The following VXN variants were observed in gnomAD, a reference collection of about 807,000 sequenced individuals.
VXN encodes vexin, also known as uncharacterized protein C8orf46.
VXN carries 7 observed loss-of-function variants against 23.1 expected under a neutral mutation model. That is an observed-to-expected ratio of 0.30 (90% confidence interval 0.17 to 0.57). The LOEUF (loss-of-function observed/expected upper bound fraction) is 0.57. Ranked by LOEUF, VXN falls within the 20% of genes least tolerant of loss-of-function variation. VXN has a pLI of 0.91. For synonymous variants in VXN, 120 were observed against 105.8 expected (o/e 1.13, Z -0.83); for missense variants, 238 against 272.6 (o/e 0.87, Z 0.89).
At chr8:66,504,902 T>C (rs992801709) in intron 2 of VXN, among the ~76,000 whole-genome samples, 4 of 152,252 alleles carry the variant, frequency 2.6e-5, no homozygotes, top group African/African-American at 9.6e-5. Flanking sequence ...TCTCCCTAGG[T>C]CTTCGCTCTG....
intron 4 of VXN, among the ~76,000 whole-genome samples, chr8:66,512,225 G>A (rs967216564): frequency 1.2e-4 from 18 of 152,280 alleles, no homozygotes; most frequent in Admixed American, 4.6e-4. Flanking sequence ...ATCCAAGTCC[G>A]TGCAAAGTGT....
Position 66,515,896 on chromosome 8 carries a change from C to A in VXN, c.444C>A (p.Ser148=). ...TEKGAVLMRG[S]RHLKKMTEEY... ...CCCACTCCTGGCTTTTCTTTAGATC[C>A]AGACATCTCAAGAAGATGACTGAAG... The change falls in exon 6 of 6, where the codon TCC becomes TCA. Residue 148 remains serine (S), a synonymous_variant. Coordinates refer to ENST00000305454, the MANE Select transcript of VXN (RefSeq NM_152765.4). 6.3e-7 allele frequency: 1 copy of A among 1,591,224 alleles called. No homozygotes were observed. The highest frequency in any genetic ancestry group is 1.4e-5 in the African/African-American group (1 of 73,616).
At chr8:66,502,684 T>C (rs577013392) in intron 2 of VXN, among the ~76,000 whole-genome samples, 1 of 152,052 alleles carries the variant, frequency 6.6e-6, no homozygotes, top group Non-Finnish European at 1.5e-5. Context: ...GAGGCAGAGG[T>C]TGTGGTGAGC....
In VXN at chr8:66,505,513, G is replaced by T. The variant is rs757035240; in HGVS notation, c.265G>T (p.Ala89Ser). ...ARPPTAHPAKASARPVGISEP... is the reference protein window; with the variant it reads ...ARPPTAHPAKSSARPVGISEP... ...GCCGCCCACAGCCCACCCGGCCAAA[G>T]CCTCTGCCAGACCCGGTACGTGAGT... Residue 89 changes from alanine (A) to serine (S), a missense_variant, in exon 3 of 6, where the codon GCC becomes TCC. Ala to Ser is a moderately conservative substitution (Grantham distance 99, BLOSUM62 1). Coordinates refer to ENST00000305454, the MANE Select transcript of VXN (RefSeq NM_152765.4). 35 of 1,532,942 alleles carry T rather than the reference G, an allele frequency of 2.3e-5. No individual in the cohort carries two copies. The highest frequency in any genetic ancestry group is 3.0e-5 in the Non-Finnish European group (34 of 1,143,998). The allele number at this position is 1,532,942 out of a possible 1,614,324, so 95.0% of individuals were successfully genotyped here.
intron 2 of VXN, chr8:66,505,168 T>C (rs1411714332): frequency 5.4e-6 from 4 of 739,032 alleles, no homozygotes; most frequent in Non-Finnish European, 9.5e-6. Context: ...CATGGCACCA[T>C]TTGGCAGTCT....
In VXN at chr8:66,497,076, G is replaced by C. The variant is rs186774068; in HGVS notation, c.126+584G>C. Among the ~76,000 whole-genome samples, 192 of 152,126 alleles carry C rather than the reference G, an allele frequency of 1.3e-3. 3 individuals carry two copies. The East Asian group carries it at 0.032, about 25-fold the overall frequency. The stretch of plus-strand genomic sequence containing the variant: ...ATTTTTTGTATTTTAGTAGAGACGG[G>C]GTTTCACCATGTTGGCCAGGATGGT... On this transcript the variant is annotated intron_variant, in intron 2 of 5. Transcript: ENST00000305454.
intron 4 of VXN, among the ~76,000 whole-genome samples, chr8:66,512,900 G>A (rs916948823): frequency 1.2e-4 from 19 of 152,230 alleles, no homozygotes; most frequent in African/African-American, 3.6e-4. Context: ...GATAGAGGGC[G>A]TCCTGTGCTG....
At chr8:66,500,448 A>G (rs1807678051) in intron 2 of VXN, among the ~76,000 whole-genome samples, 1 of 152,160 alleles carries the variant, frequency 6.6e-6, no homozygotes, top group African/African-American at 2.4e-5. Context: ...TCATCTTTTC[A>G]TAGATGTATT....
At chr8:66,510,359 TTCTC>T in intron 4 of VXN, 1 of 525,474 alleles carries the variant, frequency 1.9e-6, no homozygotes, top group Non-Finnish European at 3.3e-6. Flanking sequence ...CCCTGGCTGC[TTCTC>T]TCTTTCTTGT....
chr8:66,507,183 T>G (rs1178165549), intron 3 of VXN, among the ~76,000 whole-genome samples: 5 of 152,180 alleles, frequency 3.3e-5, no homozygotes, highest in African/African-American at 1.2e-4. Context: ...TCTAATGTGG[T>G]GTTTCTCAAA....
At chr8:66,514,391 G>C (rs1807860708) in intron 5 of VXN, 1 of 152,184 alleles carries the variant, frequency 6.6e-6, no homozygotes, top group South Asian at 2.1e-4. Flanking sequence ...GGAATCACAG[G>C]GGGTACCCAT....
At chr8:66,493,845 A>T in intron 1 of VXN, 127 bp downstream of exon 1, 2 of 714,264 alleles carry the variant, frequency 2.8e-6, no homozygotes, top group Non-Finnish European at 4.8e-6. Context: ...CTCGGTTTTG[A>T]TGGTATTTGA....
Position 66,517,560 on chromosome 8 carries a change from C to T in VXN, c.*1484C>T, listed in dbSNP as rs759206423. 2.0e-5 allele frequency: 3 copies of T among 152,126 alleles called. No individual in the cohort carries two copies. Among genetic ancestry groups the T allele is most frequent in the African/African-American group, 4.8e-5 (2 of 41,418 alleles). 9.4% of individuals were successfully genotyped at this position (152,126 alleles called of 1,614,324 possible). A position where few individuals can be genotyped will look rare whatever the true frequency, so the allele number is the denominator to read the frequency against. ...ACATGATTGATGGGTAGAGGCTGCC[C>T]GAAGTACTGTGTAAAGATGGAATCT... On this transcript the variant is annotated 3_prime_UTR_variant, in exon 6 of 6. Transcript: ENST00000305454.
intron 2 of VXN, among the ~76,000 whole-genome samples, chr8:66,504,219 G>C (rs549537555): frequency 2.4e-4 from 36 of 152,290 alleles, no homozygotes; most frequent in Non-Finnish European, 2.4e-4. Context: ...TTTCAGAGAA[G>C]GAAATATTGG....
Position 66,505,433 on chromosome 8 carries a change from G to T in VXN, c.185G>T (p.Gly62Val), listed in dbSNP as rs1419535602. 6.3e-7 allele frequency: 1 copy of T among 1,578,516 alleles called. No homozygotes were observed. Among genetic ancestry groups the T allele is most frequent in the Non-Finnish European group, 8.6e-7 (1 of 1,162,996 alleles). ...HQPLELLPHR[G>V]DRRDPGDRRR... ...CCCCTGGAGCTGCTGCCCCACCGCGGAGACCGCAGGGACCCTGGCGACCGC... is the reference window on the plus strand; with the variant it reads ...CCCCTGGAGCTGCTGCCCCACCGCGTAGACCGCAGGGACCCTGGCGACCGC... The change falls in exon 3 of 6, where the codon GGA becomes GTA. Residue 62 changes from glycine (G) to valine (V), a missense_variant. By Grantham distance (109) the Gly-to-Val change is moderately radical. Coordinates refer to ENST00000305454, the MANE Select transcript of VXN (RefSeq NM_152765.4).
intron 2 of VXN, among the ~76,000 whole-genome samples, chr8:66,501,626 G>A (rs1203854146): frequency 6.6e-6 from 1 of 152,180 alleles, no homozygotes; most frequent in Non-Finnish European, 1.5e-5. Flanking sequence ...GACAGCACAG[G>A]AGTGCTCTCT....
At chr8:66,497,443 A>G (rs1807639313) in intron 2 of VXN, among the ~76,000 whole-genome samples, 1 of 152,210 alleles carries the variant, frequency 6.6e-6, no homozygotes, top group South Asian at 2.1e-4. Flanking sequence ...TACCACCAAC[A>G]TCACCAGCAT....
At chr8:66,496,548 C>T (rs1807628520) in intron 2 of VXN, 56 bp downstream of exon 2, 3 of 1,519,688 alleles carry the variant, frequency 2.0e-6, no homozygotes, top group African/African-American at 1.4e-5. Flanking sequence ...AAAAGCAATG[C>T]CAGGCTTCTT....
rs1807805193 is a variant in VXN, at chr8:66,510,134, A to T, written c.319A>T (p.Asn107Tyr). Reference protein sequence around the residue: ...SEPKTSNLCGNRAYGKSLIPP... With the variant: ...SEPKTSNLCGYRAYGKSLIPP... Reference sequence around the variant, plus strand: ...ACCCAAAACATCAAATCTGTGTGGGAATCGAGCATATGGAAAATCTCTGGT... The same window carrying T: ...ACCCAAAACATCAAATCTGTGTGGGTATCGAGCATATGGAAAATCTCTGGT... Residue 107 changes from asparagine (N) to tyrosine (Y), a missense_variant, in exon 4 of 6, where the codon AAT (asparagine) becomes TAT (tyrosine). This residue lies in a region of VXN where 223 missense variants were observed against 236.9 expected (regional missense o/e 0.94). Coordinates refer to ENST00000305454, the MANE Select transcript of VXN (RefSeq NM_152765.4). 2 of 1,613,070 alleles carry T rather than the reference A, an allele frequency of 1.2e-6. No individual in the cohort carries two copies. The highest frequency in any genetic ancestry group is 1.7e-6 in the Non-Finnish European group (2 of 1,179,690).
Sources: allele counts gnomAD v4.1 joint callset (sites outside exome capture counted in the v4.1 genomes callset), GRCh38; gene constraint gnomAD v4.1.1; regional missense constraint gnomAD v4.1.1; transcripts MANE v1.5; gene names NCBI Gene and HGNC (gene_info 2026-07-23, HGNC 2026-07-21).